Variants in SPOCK3 observed in about 807,000 individuals in gnomAD.
SPOCK3 encodes testican-3.
A neutral mutation model predicts 56.6 loss-of-function variants in SPOCK3; 30 were observed. The observed-to-expected ratio is 0.53, with a 90% CI of 0.40 to 0.72. The LOEUF is 0.72. Ranked by LOEUF, SPOCK3 falls within the 30% of genes least tolerant of loss-of-function variation. SPOCK3 has a pLI of 0.00. For missense variants in SPOCK3, 527 were observed against 530.0 expected (o/e 0.99, Z 0.06); for synonymous variants, 196 against 183.3 (o/e 1.07, Z -0.56).
At chr4:166,866,904 A>G (rs2126930892) in intron 6 of SPOCK3, among the ~76,000 whole-genome samples, 1 of 152,198 alleles carries the variant, frequency 6.6e-6, no homozygotes. Flanking sequence ...ACTTCAAGAT[A>G]AATATAGTTA....
intron 6 of SPOCK3, among the ~76,000 whole-genome samples, chr4:166,813,381 G>A (rs1489908128): frequency 1.3e-5 from 2 of 151,910 alleles, no homozygotes; most frequent in Non-Finnish European, 2.9e-5. Context: ...AGGCTCTGAG[G>A]AATGTACCTG....
chr4:166,928,449 G>C (rs554574363), intron 4 of SPOCK3, among the ~76,000 whole-genome samples: 5 of 152,302 alleles, frequency 3.3e-5, no homozygotes, highest in African/African-American at 9.6e-5. Flanking sequence ...GCTACCTACT[G>C]TAAGATTCTA....
chr4:166,951,059 A>G (rs906569237), intron 4 of SPOCK3, among the ~76,000 whole-genome samples: 1 of 139,246 alleles, frequency 7.2e-6, no homozygotes, highest in Non-Finnish European at 1.5e-5. Context: ...TTCAAAAGCT[A>G]GCAGAAGACA....
intron 7 of SPOCK3, among the ~76,000 whole-genome samples, chr4:166,770,741 A>G (rs1280745427): frequency 3.9e-5 from 6 of 152,148 alleles, no homozygotes; most frequent in African/African-American, 1.4e-4. Flanking sequence ...AGACCAGACA[A>G]AAATGTCAAA....
intron 2 of SPOCK3, among the ~76,000 whole-genome samples, chr4:167,196,105 T>C (rs1404146908): frequency 1.3e-5 from 2 of 152,228 alleles, no homozygotes; most frequent in East Asian, 3.9e-4. Context: ...GCATACTCTG[T>C]GTATACTCAG....
intron 2 of SPOCK3, among the ~76,000 whole-genome samples, chr4:167,202,121 A>G (rs1561317130): frequency 6.6e-6 from 1 of 151,950 alleles, no homozygotes; most frequent in Non-Finnish European, 1.5e-5. Flanking sequence ...TGTTAGTACT[A>G]CCTGCTTCAC....
At chr4:166,831,734 G>T (rs527270011) in intron 6 of SPOCK3, among the ~76,000 whole-genome samples, 4 of 142,224 alleles carry the variant, frequency 2.8e-5, no homozygotes, top group African/African-American at 7.8e-5. Flanking sequence ...ACATCTTTCG[G>T]TATCATCAAT....
chr4:166,814,510 C>T (rs931355966), intron 6 of SPOCK3, among the ~76,000 whole-genome samples: 3 of 152,074 alleles, frequency 2.0e-5, no homozygotes, highest in Non-Finnish European at 2.9e-5. Context: ...GTGGGATAAG[C>T]TGGCTTGCTG....
chr4:167,226,802 G>T lies in SPOCK3; in HGVS notation c.189+7183C>A, dbSNP rs983453269. Among the ~76,000 whole-genome samples, 10 of 152,022 alleles carry T rather than the reference G, an allele frequency of 6.6e-5. No homozygotes were observed. In the East Asian group the frequency reaches 1.2e-3, roughly 18 times the overall value. On this transcript the variant is annotated intron_variant, in intron 2 of 10. Coordinates refer to ENST00000357545, the MANE Select transcript of SPOCK3 (RefSeq NM_001040159.2). ...TTAATAGAGAAGCTTGCTTGAGGGA[G>T]TAACCCTGAAAGCCCAGGCCTGGAC...
chr4:167,095,285 T>C (rs979055256), intron 2 of SPOCK3, among the ~76,000 whole-genome samples: 3 of 152,126 alleles, frequency 2.0e-5, no homozygotes, highest in African/African-American at 7.2e-5. Context: ...CTTGTGAATC[T>C]ACATAACTTT....
chr4:166,792,722 C>G (rs914316098), intron 6 of SPOCK3, among the ~76,000 whole-genome samples: 25 of 152,166 alleles, frequency 1.6e-4, no homozygotes, highest in Non-Finnish European at 2.9e-4. Flanking sequence ...TATTCATATA[C>G]TCAGTATATG....
intron 6 of SPOCK3, among the ~76,000 whole-genome samples, chr4:166,843,763 A>G (rs1304843300): frequency 6.6e-6 from 1 of 152,204 alleles, no homozygotes; most frequent in African/African-American, 2.4e-5. Flanking sequence ...TTTGTTATGC[A>G]ATAAGAAAAT....
chr4:167,024,703 G>T (rs955776139), intron 3 of SPOCK3, among the ~76,000 whole-genome samples: 2 of 152,010 alleles, frequency 1.3e-5, no homozygotes, highest in East Asian at 3.9e-4. Context: ...TGGCGGGAAG[G>T]GTGGGAGGTG....
At chr4:167,082,806 A>G (rs1382072394) in intron 2 of SPOCK3, among the ~76,000 whole-genome samples, 1 of 142,896 alleles carries the variant, frequency 7.0e-6, no homozygotes, top group Non-Finnish European at 1.5e-5. Context: ...CAGAGAGAGG[A>G]CAGAGGGAGG....
intron 4 of SPOCK3, among the ~76,000 whole-genome samples, chr4:166,958,268 G>A (rs755105126): frequency 1.6e-4 from 24 of 152,132 alleles, no homozygotes; most frequent in African/African-American, 3.4e-4. Flanking sequence ...TGATGAGCCT[G>A]CTCCCCCTCT....
At chr4:166,946,875 C>T (rs553173264) in intron 4 of SPOCK3, among the ~76,000 whole-genome samples, 3 of 152,176 alleles carry the variant, frequency 2.0e-5, no homozygotes, top group Non-Finnish European at 2.9e-5. Flanking sequence ...CCATAATTGT[C>T]GAATGGATAA....
At chr4:166,767,433 C>CA (rs991291649) in intron 7 of SPOCK3, among the ~76,000 whole-genome samples, 2 of 152,074 alleles carry the variant, frequency 1.3e-5, no homozygotes, top group Non-Finnish European at 2.9e-5. Context: ...TTTCTGCCTT[C>CA]ATTTCATTAT....
chr4:167,018,806 C>T (rs1332860035), intron 3 of SPOCK3, among the ~76,000 whole-genome samples: 1 of 151,996 alleles, frequency 6.6e-6, no homozygotes, highest in East Asian at 1.9e-4. Context: ...GCAGAGTATG[C>T]AGCAAATGGA....
chr4:167,024,509 C>A (rs1751507481), intron 3 of SPOCK3, among the ~76,000 whole-genome samples: 1 of 151,950 alleles, frequency 6.6e-6, no homozygotes, highest in South Asian at 2.1e-4. Context: ...TTTAACCCTA[C>A]AATTATATTT....
Sources: allele counts gnomAD v4.1 joint callset (sites outside exome capture counted in the v4.1 genomes callset), GRCh38; gene constraint gnomAD v4.1.1; transcripts MANE v1.5; gene names NCBI Gene and HGNC (gene_info 2026-07-23, HGNC 2026-07-21).